The following DNAH7 variants were observed in gnomAD, a reference collection of about 807,000 sequenced individuals.
The protein encoded by DNAH7 is dynein axonemal heavy chain 7.
A neutral mutation model predicts 444.6 loss-of-function variants in DNAH7; 397 were observed. The observed-to-expected ratio is 0.89, with a 90% CI of 0.82 to 0.97. DNAH7 has a LOEUF of 0.97. Ranked by LOEUF, DNAH7 falls within the 50% of genes least tolerant of loss-of-function variation. The probability of loss-of-function intolerance (pLI) is 0.00; values close to 1 mark genes in which losing one functional copy is unlikely to be tolerated. For synonymous variants in DNAH7, 1,636 were observed against 1,624.4 expected (o/e 1.01, Z -0.17); for missense variants, 4,902 against 4,800.8 (o/e 1.02, Z -0.62).
At chr2:195,757,798 T>C (rs1026629) in intron 61 of DNAH7, among the ~76,000 whole-genome samples, 9,202 of 152,234 alleles carry the variant, frequency 0.06, 408 homozygotes, top group Non-Finnish European at 0.092. Context: ...TGGGAATGAA[T>C]GTCATACATA....
Position 195,946,666 on chromosome 2 carries a change from A to ACT in DNAH7, c.3079-9876_3079-9875dup, listed in dbSNP as rs149085409. ...TATCAGAAAATGTTCTTTTACCCTC[A>ACT]CTCTCTCTTTCTTTCTCTCTCTTTC... is the stretch of plus-strand genomic sequence containing the variant. On this transcript the variant is annotated intron_variant, in intron 19 of 64. Coordinates refer to ENST00000312428, the MANE Select transcript of DNAH7 (RefSeq NM_018897.3). 9.7e-4 allele frequency among the ~76,000 whole-genome samples: 147 copies of ACT among 151,514 alleles called. 1 individual carries two copies. The highest frequency in any genetic ancestry group is 3.1e-4 in the Non-Finnish European group (21 of 67,790).
chr2:196,021,567 C>G lies in DNAH7; in HGVS notation c.744-2272G>C, dbSNP rs1026259371. ...AGGCACAGAGGCTCACACCTGTAAT[C>G]CCAGCACTTTGGGAGGCCAAGGTGG... is the stretch of plus-strand genomic sequence containing the variant. On this transcript the variant is annotated intron_variant, in intron 8 of 64. Coordinates refer to ENST00000312428, the MANE Select transcript of DNAH7 (RefSeq NM_018897.3). Among the ~76,000 whole-genome samples, 5 of 149,594 alleles carry G rather than the reference C, an allele frequency of 3.3e-5. No homozygotes were observed. In the East Asian group the frequency reaches 7.8e-4, roughly 23 times the overall value.
intron 35 of DNAH7, among the ~76,000 whole-genome samples, chr2:195,883,531 T>C (rs1272360584): frequency 6.6e-6 from 1 of 150,844 alleles, no homozygotes; most frequent in Non-Finnish European, 1.5e-5. Flanking sequence ...GACAATCACA[T>C]TAAATCTCCG....
At chr2:195,813,228 G>C (rs947142327) in intron 51 of DNAH7, among the ~76,000 whole-genome samples, 1 of 152,172 alleles carries the variant, frequency 6.6e-6, no homozygotes, top group Non-Finnish European at 1.5e-5. Context: ...ATTAGGACAA[G>C]TAAAAATTGA....
chr2:195,950,026 G>A (rs572838435), intron 19 of DNAH7, among the ~76,000 whole-genome samples: 1 of 152,210 alleles, frequency 6.6e-6, no homozygotes, highest in Admixed American at 6.5e-5. Context: ...GAGGATTTTC[G>A]CATCAATGTC....
intron 31 of DNAH7, 103 bp downstream of exon 31, chr2:195,891,546 TATCTTA>T: frequency 1.0e-6 from 1 of 1,001,788 alleles, no homozygotes; most frequent in Non-Finnish European, 1.4e-6. Context: ...TTTTAAATAA[TATCTTA>T]ATCTATAGAT....
At chr2:195,926,309 G>A (rs1688330020) in intron 22 of DNAH7, 117 bp downstream of exon 22, 1 of 950,256 alleles carries the variant, frequency 1.1e-6, no homozygotes, top group African/African-American at 1.7e-5. Context: ...TTGGCTTGCA[G>A]CATAAAGTAG....
chr2:195,834,352 C>T lies in DNAH7; in HGVS notation c.8954G>A (p.Arg2985Lys). 1 of 1,591,150 alleles carries T rather than the reference C, an allele frequency of 6.3e-7. No homozygotes were observed. The highest frequency in any genetic ancestry group is 8.6e-7 in the Non-Finnish European group (1 of 1,162,864). ...AGGATCTATCATCAGAGGCCACCTT[C>T]TTGCATTCCTGAAAAGGAGGAGAAA... ...IDNGIIIMNARRWPLMIDPQS... is the reference protein window; with the variant it reads ...IDNGIIIMNAKRWPLMIDPQS... The change falls in exon 48 of 65, where the codon AGA (arginine) becomes AAA (lysine). Residue 2985 changes from arginine (R) to lysine (K), a missense_variant. By Grantham distance (26) the Arg-to-Lys change is conservative. Coordinates refer to ENST00000312428, the MANE Select transcript of DNAH7 (RefSeq NM_018897.3).
chr2:195,783,587 T>C (rs1695487607), intron 58 of DNAH7, among the ~76,000 whole-genome samples: 1 of 152,198 alleles, frequency 6.6e-6, no homozygotes, highest in South Asian at 2.1e-4. Context: ...CGGCCCAACC[T>C]ACTCCCACAT....
At chr2:195,766,662 C>G (rs1357910124) in intron 61 of DNAH7, among the ~76,000 whole-genome samples, 1 of 151,834 alleles carries the variant, frequency 6.6e-6, no homozygotes, top group Non-Finnish European at 1.5e-5. Context: ...AATTTAATTG[C>G]ACATTTAAAA....
intron 2 of DNAH7, among the ~76,000 whole-genome samples, chr2:196,054,151 G>C (rs957384468): frequency 6.6e-6 from 1 of 152,126 alleles, no homozygotes; most frequent in African/African-American, 2.4e-5. Flanking sequence ...GACCAAAATC[G>C]AAAAAGTTTA....
chr2:196,006,325 C>T (rs2125703651), intron 10 of DNAH7, among the ~76,000 whole-genome samples: 1 of 152,234 alleles, frequency 6.6e-6, no homozygotes, highest in Middle Eastern at 3.4e-3. Flanking sequence ...ACAGGATTAT[C>T]TCCATTCCAT....
At chr2:195,929,888 A>G (rs1688576069) in intron 21 of DNAH7, among the ~76,000 whole-genome samples, 1 of 152,280 alleles carries the variant, frequency 6.6e-6, no homozygotes, top group Non-Finnish European at 1.5e-5. Context: ...TAATTACACT[A>G]AAGAGCTTTG....
chr2:195,761,303 AAAGAAAAAAC>A (rs377082893), intron 61 of DNAH7, among the ~76,000 whole-genome samples: 6 of 152,196 alleles, frequency 3.9e-5, no homozygotes, highest in African/African-American at 1.4e-4. Context: ...AGATGAGATA[AAAGAAAAAAC>A]AAGAAAGCAC....
At chr2:195,788,521 T>C (rs1695732063) in intron 57 of DNAH7, among the ~76,000 whole-genome samples, 1 of 152,188 alleles carries the variant, frequency 6.6e-6, no homozygotes, top group South Asian at 2.1e-4. Flanking sequence ...TGGCATTTTA[T>C]ACAAGAGCAG....
intron 17 of DNAH7, among the ~76,000 whole-genome samples, chr2:195,962,949 CTT>C (rs1449103813): frequency 6.6e-6 from 1 of 152,146 alleles, no homozygotes; most frequent in African/African-American, 2.4e-5. Context: ...ACAGAATCGT[CTT>C]GTTTGTTATG....
At chr2:196,021,285 G>A (rs767470348) in intron 8 of DNAH7, among the ~76,000 whole-genome samples, 15 of 151,912 alleles carry the variant, frequency 9.9e-5, no homozygotes, top group South Asian at 2.1e-4. Flanking sequence ...TCTACCTATC[G>A]ATCCATCAAC....
chr2:195,811,720 T>G (rs982293938), intron 51 of DNAH7, among the ~76,000 whole-genome samples: 2 of 152,140 alleles, frequency 1.3e-5, no homozygotes, highest in African/African-American at 4.8e-5. Flanking sequence ...CTCCTAAAAC[T>G]TATGTTTCAG....
chr2:195,748,566 C>A (rs1449017987), intron 63 of DNAH7, among the ~76,000 whole-genome samples: 2 of 152,296 alleles, frequency 1.3e-5, no homozygotes, highest in African/African-American at 2.4e-5. Flanking sequence ...GGAGGCATCA[C>A]ACTACCTGAC....
Sources: allele counts gnomAD v4.1 joint callset (sites outside exome capture counted in the v4.1 genomes callset), GRCh38; gene constraint gnomAD v4.1.1; transcripts MANE v1.5; gene names NCBI Gene and HGNC (gene_info 2026-07-23, HGNC 2026-07-21).